Variants in CCDC171 observed in about 807,000 individuals in gnomAD.
CCDC171 encodes the protein coiled-coil domain-containing protein 171.
Under a neutral mutation model 168.2 loss-of-function variants are expected in CCDC171, and 177 were observed. The ratio of observed to expected loss-of-function variants is 1.05; its 90% CI spans 0.93 to 1.19. The LOEUF is 1.19. Among genes scored for constraint, CCDC171 ranks in the 50% most tolerant of loss-of-function variants. CCDC171 has a pLI of 0.00. For missense variants in CCDC171, 1,991 were observed against 1,539.0 expected, an observed-to-expected ratio of 1.29 and a Z score of -4.91; for synonymous variants, 687 against 540.8, an observed-to-expected ratio of 1.27 and a Z score of -3.75.
At chr9:15,646,286 C>A (rs1587705540) in intron 7 of CCDC171, among the ~76,000 whole-genome samples, 1 of 152,254 alleles carries the variant, frequency 6.6e-6, no homozygotes, top group East Asian at 1.9e-4. Context: ...CGAGCCCCTG[C>A]AAAAATATGC....
intron 1 of CCDC171, among the ~76,000 whole-genome samples, chr9:16,054,467 A>G (rs1012591160): frequency 6.6e-6 from 1 of 152,056 alleles, no homozygotes; most frequent in Non-Finnish European, 1.5e-5. Context: ...GGGAGATTTC[A>G]GGCATAGCGA....
At chr9:15,896,549 T>A (rs2131576364) in intron 24 of CCDC171, among the ~76,000 whole-genome samples, 1 of 152,218 alleles carries the variant, frequency 6.6e-6, no homozygotes, top group South Asian at 2.1e-4. Context: ...ACAGCTGAAC[T>A]ACATGCAGCA....
chr9:15,583,159 G>A (rs905232865), intron 4 of CCDC171, among the ~76,000 whole-genome samples: 3 of 152,274 alleles, frequency 2.0e-5, no homozygotes, highest in South Asian at 4.1e-4. Flanking sequence ...GCTCACGCCT[G>A]TAATCCCAGC....
chr9:15,991,093 A>G (rs1832180520), intron 3 of CCDC171, among the ~76,000 whole-genome samples: 1 of 152,152 alleles, frequency 6.6e-6, no homozygotes, highest in African/African-American at 2.4e-5. Flanking sequence ...ATATCTACAG[A>G]ACTCTCCACC....
intron 1 of CCDC171, among the ~76,000 whole-genome samples, chr9:15,555,653 G>C (rs58596549): frequency 0.015 from 2,222 of 152,138 alleles, 61 homozygotes; most frequent in African/African-American, 0.051. Context: ...TGAGAGATGT[G>C]ACTTTAGTCA....
At chr9:15,791,580 C>G (rs1315382276) in intron 21 of CCDC171, among the ~76,000 whole-genome samples, 1 of 152,088 alleles carries the variant, frequency 6.6e-6, no homozygotes, top group South Asian at 2.1e-4. Flanking sequence ...AATTGAATAC[C>G]CTTTATTTCT....
the CCDC171 span, among the ~76,000 whole-genome samples, chr9:16,076,909 A>G: frequency 6.6e-6 from 1 of 152,208 alleles, no homozygotes; most frequent in Non-Finnish European, 1.5e-5. Context: ...GTTGTTCTAA[A>G]TGCTACTCTC....
rs1398418288 is a variant in CCDC171, at chr9:15,927,988, C to A, written c.3753+7566C>A. Among the ~76,000 whole-genome samples, 3 of 151,584 alleles carry A rather than the reference C, an allele frequency of 2.0e-5. No homozygotes were observed. In the Admixed American group the frequency reaches 2.0e-4, roughly 10 times the overall value. ...TTTTTGAAACAGCTGTTAGCCTTGA[C>A]AATTTGTTGAGAGAGGCTATACAGT... On this transcript the variant is annotated intron_variant, in intron 25 of 25. Coordinates refer to ENST00000380701, the MANE Select transcript of CCDC171 (RefSeq NM_173550.4).
rs147165475 is a variant in CCDC171 at position 15,580,767 on chromosome 9, T to C, written c.352+1744T>C. The stretch of plus-strand genomic sequence containing the variant: ...TGGATGTGGTAAAAAGGGAACACTT[T>C]TACACTGCTGGTGGGAATGTAAATT... On this transcript the variant is annotated intron_variant, in intron 4 of 25. Transcript: ENST00000380701. 7.9e-4 allele frequency among the ~76,000 whole-genome samples: 121 copies of C among 152,242 alleles called. 1 individual carries two copies. Among genetic ancestry groups the C allele is most frequent in the African/African-American group, 2.7e-3 (114 of 41,556 alleles).
intron 21 of CCDC171, among the ~76,000 whole-genome samples, chr9:15,836,994 G>A (rs921100265): frequency 1.3e-5 from 2 of 152,186 alleles, no homozygotes; most frequent in Non-Finnish European, 2.9e-5. Flanking sequence ...CAAATTTGGT[G>A]TAACTTGACA....
At chr9:15,941,044 T>C (rs530910710) in intron 25 of CCDC171, among the ~76,000 whole-genome samples, 1 of 152,070 alleles carries the variant, frequency 6.6e-6, no homozygotes, top group South Asian at 2.1e-4. Context: ...TTTATTATTA[T>C]TATTTCTGTC....
intron 9 of CCDC171, among the ~76,000 whole-genome samples, chr9:15,677,005 G>T (rs909830742): frequency 1.3e-5 from 2 of 152,016 alleles, no homozygotes; most frequent in African/African-American, 2.4e-5. Flanking sequence ...ATCATTTTTT[G>T]TTCCCAGTGT....
At chr9:15,802,359 G>C (rs1440980091) in intron 21 of CCDC171, among the ~76,000 whole-genome samples, 3 of 151,756 alleles carry the variant, frequency 2.0e-5, no homozygotes, top group African/African-American at 7.3e-5. Context: ...TATCACCCAG[G>C]TATTAAGCCC....
At chr9:15,713,328 T>C (rs1240499899) in intron 11 of CCDC171, among the ~76,000 whole-genome samples, 1 of 143,670 alleles carries the variant, frequency 7.0e-6, no homozygotes, top group East Asian at 2.0e-4. Flanking sequence ...TTTTTTTTTT[T>C]CTATTTGTGA....
At chr9:15,709,918 G>C (rs1470375638) in intron 11 of CCDC171, among the ~76,000 whole-genome samples, 1 of 151,984 alleles carries the variant, frequency 6.6e-6, no homozygotes. Flanking sequence ...TCATCACTCA[G>C]ATCAACATTT....
chr9:15,787,690 C>T (rs1231591644), intron 21 of CCDC171, among the ~76,000 whole-genome samples: 2 of 152,152 alleles, frequency 1.3e-5, no homozygotes, highest in Non-Finnish European at 2.9e-5. Context: ...AAAAAATGTA[C>T]ATGTTATCAA....
At chr9:15,980,083 A>G (rs969564191) in intron 3 of CCDC171, among the ~76,000 whole-genome samples, 1 of 152,150 alleles carries the variant, frequency 6.6e-6, no homozygotes, top group Non-Finnish European at 1.5e-5. Flanking sequence ...AACTGAAGGG[A>G]ATTCTATCAT....
intron 21 of CCDC171, among the ~76,000 whole-genome samples, chr9:15,825,954 CTTGTTT>C (rs2059993697): frequency 6.6e-6 from 1 of 151,910 alleles, no homozygotes; most frequent in Admixed American, 6.6e-5. Context: ...ATTTCATTTT[CTTGTTT>C]TTGTTTTTCT....
chr9:15,781,821 C>T (rs1220781496), intron 20 of CCDC171, among the ~76,000 whole-genome samples: 1 of 152,138 alleles, frequency 6.6e-6, no homozygotes, highest in Admixed American at 6.5e-5. Context: ...ACCCTAAGCA[C>T]GTTACAGACG....
Sources: gnomAD v4.1 joint callset for allele counts (sites outside exome capture counted in the v4.1 genomes callset) on GRCh38, gnomAD v4.1.1 for gene constraint, MANE v1.5 for transcripts, NCBI Gene and HGNC (gene_info 2026-07-23, HGNC 2026-07-21) for gene names.